The following VHL variants were observed in gnomAD, a reference collection of about 807,000 sequenced individuals.
VHL encodes the protein von Hippel-Lindau disease tumor suppressor.
VHL carries 10 observed loss-of-function variants against 19.2 expected under a neutral mutation model. The ratio of observed to expected loss-of-function variants is 0.52; its 90% CI spans 0.32 to 0.89. The LOEUF is 0.89. Among genes scored for constraint, VHL ranks in the 40% least tolerant of loss-of-function variants. The pLI is 0.03. For missense variants in VHL, 328 were observed against 292.7 expected (o/e 1.12, Z -0.88); for synonymous variants, 167 against 129.5 (o/e 1.29, Z -1.97).
chr3:10,142,428 C>T (rs1246442141), intron 1 of VHL: 4 of 539,840 alleles, frequency 7.4e-6, no homozygotes, highest in Non-Finnish European at 1.3e-5. Context: ...TCACTGCAGC[C>T]TCCGCCTCCC....
rs34512214 is a variant in VHL, at chr3:10,144,496, C to CTTTTTTTTTTT, written c.341-2010_341-2000dup. Among the ~76,000 whole-genome samples the CTTTTTTTTTTT allele has an allele frequency of 1.5e-4, 17 of 116,612 alleles. 1 individual carries two copies. The highest frequency in any genetic ancestry group is 2.8e-4 in the South Asian group (1 of 3,576). 76.5% of individuals were successfully genotyped at this position (116,612 alleles called of 152,430 possible). On this transcript the variant is annotated intron_variant, in intron 1 of 2. Transcript: ENST00000256474. ...GCAAGACCCTGTCTCTCTATCTTGTCTTTTTTTTTTTTTTTTTTGAGACAG... is the reference window on the plus strand; with the variant it reads ...GCAAGACCCTGTCTCTCTATCTTGTCTTTTTTTTTTTTTTTTTTTTTTTTTTTTTGAGACAG...
At position 10,141,991 on chromosome 3, in the gene VHL, G is replaced by A. The variant is rs1172061775; in HGVS notation, c.144G>A (p.Leu48=). The A allele has an allele frequency of 6.4e-7, 1 of 1,574,240 alleles. No homozygotes were observed. Among genetic ancestry groups the A allele is most frequent in the South Asian group, 1.2e-5 (1 of 86,424 alleles). ...CGGAAGAGTCCGGCCCGGAGGAACT[G>A]GGCGCCGAGGAGGAGATGGAGGCCG... ...SGPEESGPEE[L]GAEEEMEAGR... is the part of the protein sequence containing the mutation. Residue 48 remains leucine (L), a synonymous_variant, in exon 1 of 3, where the codon CTG becomes CTA. Transcript: ENST00000256474.
At position 10,150,295 on chromosome 3, in the gene VHL, T is replaced by G; in HGVS notation, c.*330T>G. 1 of 1,276,390 alleles carries G rather than the reference T, an allele frequency of 7.8e-7. No homozygotes were observed. The highest frequency in any genetic ancestry group is 1.0e-6 in the Non-Finnish European group (1 of 998,762). The allele number at this position is 1,276,390 out of a possible 1,614,324, so 79.1% of individuals were successfully genotyped here. A position where few individuals can be genotyped will look rare whatever the true frequency, so the allele number is the denominator to read the frequency against. ...TCAGTGGGAATTGCAGCATATCGTT[T>G]AATTTTAAGAAGGCATTGGCATCTG... On this transcript the variant is annotated 3_prime_UTR_variant, in exon 3 of 3. Transcript: ENST00000256474.
rs1183203213 is a variant in VHL at position 10,152,807 on chromosome 3, T to A, written c.*2842T>A. Among the ~76,000 whole-genome samples the A allele has an allele frequency of 4.6e-5, 7 of 152,012 alleles. 1 individual carries two copies. Among genetic ancestry groups the A allele is most frequent in the South Asian group, 4.1e-4 (2 of 4,820 alleles). ...GTCCAGCCAGCTTTATTATTTTTTT[T>A]AAGCTGTCTTTGTGTCAAAATGATA... On this transcript the variant is annotated 3_prime_UTR_variant, in exon 3 of 3. Coordinates refer to ENST00000256474, the MANE Select transcript of VHL (RefSeq NM_000551.4).
At chr3:10,142,255 C>G (rs1038715663) in intron 1 of VHL, 68 bp downstream of exon 1, 18 of 1,534,310 alleles carry the variant, frequency 1.2e-5, no homozygotes, top group Non-Finnish European at 1.5e-5. Flanking sequence ...CTCTACCGCC[C>G]CGGGGTCCAT....
intron 2 of VHL, 35 bp from the exon 3 acceptor site, chr3:10,149,752 G>C (rs756593539): frequency 1.3e-6 from 2 of 1,581,514 alleles, no homozygotes; most frequent in South Asian, 1.1e-5. Flanking sequence ...TGAGACCCTA[G>C]TCTGCCACTG....
At chr3:10,146,160 G>GACC (rs1696249208) in intron 1 of VHL, among the ~76,000 whole-genome samples, 1 of 150,716 alleles carries the variant, frequency 6.6e-6, no homozygotes, top group African/African-American at 2.5e-5. Flanking sequence ...CCCTGACTCA[G>GACC]ACCAGTCTGG....
chr3:10,150,171 C>T lies in VHL; in HGVS notation c.*206C>T. The T allele has an allele frequency of 7.0e-7, 1 of 1,433,236 alleles. No homozygotes were observed. Among genetic ancestry groups the T allele is most frequent in the Non-Finnish European group, 9.1e-7 (1 of 1,093,500 alleles). The allele number at this position is 1,433,236 out of a possible 1,614,324, so 88.8% of individuals were successfully genotyped here. ...AAACATCACAAAATGTAATTTAATG[C>T]CTGCCCATTAGAGAAGTATTTATCA... On this transcript the variant is annotated 3_prime_UTR_variant, in exon 3 of 3. Transcript: ENST00000256474.
intron 2 of VHL, among the ~76,000 whole-genome samples, 166 bp from the exon 3 acceptor site, chr3:10,149,621 A>AG (rs1696349933): frequency 6.6e-6 from 1 of 152,344 alleles, no homozygotes; most frequent in Admixed American, 6.5e-5. Context: ...AGGTGTCCAT[A>AG]GGGGGCCATC....
rs1696411932 is a variant in VHL at position 10,151,596 on chromosome 3, T to C, written c.*1631T>C. The C allele has an allele frequency of 8.9e-6, 2 of 224,066 alleles. No homozygotes were observed. The highest frequency in any genetic ancestry group is 6.5e-5 in the East Asian group (1 of 15,270). The allele number at this position is 224,066 out of a possible 1,614,324, so 13.9% of individuals were successfully genotyped here. On this transcript the variant is annotated 3_prime_UTR_variant, in exon 3 of 3. Coordinates refer to ENST00000256474, the MANE Select transcript of VHL (RefSeq NM_000551.4). ...TACATAGTTGAGATTGTACTGTTCA[T>C]ACAGTTTTATACCCTTTTTCATTTA...
Position 10,150,136 on chromosome 3 carries a change from G to C in VHL, c.*171G>C, listed in dbSNP as rs550114475. On this transcript the variant is annotated 3_prime_UTR_variant, in exon 3 of 3. Coordinates refer to ENST00000256474, the MANE Select transcript of VHL (RefSeq NM_000551.4). Reference sequence around the variant, plus strand: ...AACTGACTTCACTAGGCATTGTGATGTTTAGGGGCAAACATCACAAAATGT... The same window carrying C: ...AACTGACTTCACTAGGCATTGTGATCTTTAGGGGCAAACATCACAAAATGT... 1 of 1,488,000 alleles carries C rather than the reference G, an allele frequency of 6.7e-7. No homozygotes were observed. Among genetic ancestry groups the C allele is most frequent in the Non-Finnish European group, 8.9e-7 (1 of 1,119,722 alleles). 92.2% of individuals were successfully genotyped at this position (1,488,000 alleles called of 1,614,324 possible).
intron 1 of VHL, among the ~76,000 whole-genome samples, 163 bp downstream of exon 1, chr3:10,142,350 T>A (rs2366325): frequency 6.9e-6 from 1 of 144,370 alleles, no homozygotes; most frequent in South Asian, 2.2e-4. Context: ...TCTTTTTTTT[T>A]TTTTTTTTTT....
At position 10,153,282 on chromosome 3, in the gene VHL, AAAAAAAC is replaced by A. The variant is rs886057755; in HGVS notation, c.*3330_*3336del. On this transcript the variant is annotated 3_prime_UTR_variant, in exon 3 of 3. Coordinates refer to ENST00000256474, the MANE Select transcript of VHL (RefSeq NM_000551.4). ...GACAGAGTGAGACACCGTCTCAAAA[AAAAAAAC>A]AAAAAACAAAAATTATCCAGGTGTG... 3.3e-5 allele frequency among the ~76,000 whole-genome samples: 5 copies of A among 151,932 alleles called. No individual in the cohort carries two copies. The highest frequency in any genetic ancestry group is 5.9e-5 in the Non-Finnish European group (4 of 67,960).
In VHL at chr3:10,141,801, C is replaced by A. The variant is rs745439844; in HGVS notation, c.-47C>A. 1.3e-6 allele frequency: 2 copies of A among 1,534,740 alleles called. No individual in the cohort carries two copies. Among genetic ancestry groups the A allele is most frequent in the Non-Finnish European group, 1.8e-6 (2 of 1,139,410 alleles). Reference sequence around the variant, plus strand: ...ACGCAGCTCCGCCCCGCGTCCGACCCGCGGATCCCGCGGCGTCCGGCCCGG... The same window carrying A: ...ACGCAGCTCCGCCCCGCGTCCGACCAGCGGATCCCGCGGCGTCCGGCCCGG... On this transcript the variant is annotated 5_prime_UTR_variant, in exon 1 of 3. Transcript: ENST00000256474.
intron 2 of VHL, among the ~76,000 whole-genome samples, chr3:10,147,862 C>T (rs558867157): frequency 9.1e-4 from 138 of 152,104 alleles, no homozygotes; most frequent in African/African-American, 3.1e-3. Context: ...GAGGCTATGG[C>T]GGGAGGGTCG....
intron 2 of VHL, among the ~76,000 whole-genome samples, chr3:10,148,036 C>G (rs1696306380): frequency 6.6e-6 from 1 of 151,432 alleles, no homozygotes; most frequent in Non-Finnish European, 1.5e-5. Flanking sequence ...TTTGAGGCTG[C>G]AGTGAGCCAT....
chr3:10,144,538 C>G (rs1696207491), intron 1 of VHL, among the ~76,000 whole-genome samples: 1 of 143,940 alleles, frequency 6.9e-6, no homozygotes, highest in Non-Finnish European at 1.5e-5. Context: ...CTGCTGTTGC[C>G]TGGGCTGGAG....
rs1575933347 is a variant in VHL at position 10,150,419 on chromosome 3, A to G, written c.*454A>G. The G allele has an allele frequency of 8.7e-7, 1 of 1,145,216 alleles. No homozygotes were observed. The highest frequency in any genetic ancestry group is 1.1e-6 in the Non-Finnish European group (1 of 911,204). The allele number at this position is 1,145,216 out of a possible 1,614,324, so 70.9% of individuals were successfully genotyped here. A position where few individuals can be genotyped will look rare whatever the true frequency, so the allele number is the denominator to read the frequency against. On this transcript the variant is annotated 3_prime_UTR_variant, in exon 3 of 3. Transcript: ENST00000256474. Reference sequence around the variant, plus strand: ...AGACTGAGGCATCCGTGAGGCAGGGACAAGTCTTTCTCCTCTTTGAGACCC... The same window carrying G: ...AGACTGAGGCATCCGTGAGGCAGGGGCAAGTCTTTCTCCTCTTTGAGACCC...
chr3:10,153,307 C>G lies in VHL; in HGVS notation c.*3342C>G, dbSNP rs886397022. Among the ~76,000 whole-genome samples, 2 of 151,682 alleles carry G rather than the reference C, an allele frequency of 1.3e-5. No homozygotes were observed. The highest frequency in any genetic ancestry group is 6.6e-5 in the Admixed American group (1 of 15,196). On this transcript the variant is annotated 3_prime_UTR_variant, in exon 3 of 3. Coordinates refer to ENST00000256474, the MANE Select transcript of VHL (RefSeq NM_000551.4). ...AAAAAAACAAAAAACAAAAATTATC[C>G]AGGTGTGGCGGTGGGCGCCTGTGAG...
Sources: allele counts gnomAD v4.1 joint callset (sites outside exome capture counted in the v4.1 genomes callset), GRCh38; gene constraint gnomAD v4.1.1; transcripts MANE v1.5; gene names NCBI Gene and HGNC (gene_info 2026-07-23, HGNC 2026-07-21).